MDGA2: variants seen among roughly 807,000 people sequenced by gnomAD.
MDGA2 encodes MAM domain-containing glycosylphosphatidylinositol anchor protein 2.
MDGA2 carries 40 observed loss-of-function variants against 117.8 expected under a neutral mutation model. That is an observed-to-expected ratio of 0.34 (90% CI 0.26 to 0.44). MDGA2 has a LOEUF of 0.44. Among genes scored for constraint, MDGA2 ranks in the 20% least tolerant of loss-of-function variants. MDGA2 has a pLI of 1.00. For missense variants in MDGA2, 1,123 were observed against 1,250.6 expected, an observed-to-expected ratio of 0.90 and a Z score of 1.54; for synonymous variants, 452 against 439.0, an observed-to-expected ratio of 1.03 and a Z score of -0.37.
At chr14:47,492,220 A>G (rs1460437476) in intron 1 of MDGA2, among the ~76,000 whole-genome samples, 5 of 152,126 alleles carry the variant, frequency 3.3e-5, no homozygotes, top group Admixed American at 1.3e-4. Context: ...GTTGATTTCG[A>G]TGCAGAATGA....
chr14:46,868,272 A>G (rs1429445131), intron 14 of MDGA2, among the ~76,000 whole-genome samples: 5 of 151,822 alleles, frequency 3.3e-5, no homozygotes, highest in African/African-American at 9.7e-5. Context: ...AAGGTTATGC[A>G]TGACTTAGAT....
At chr14:47,341,742 G>A (rs776951848) in intron 1 of MDGA2, among the ~76,000 whole-genome samples, 2 of 152,090 alleles carry the variant, frequency 1.3e-5, no homozygotes, top group Non-Finnish European at 2.9e-5. Context: ...GTGTTATTTT[G>A]GCGGCAGCTA....
chr14:47,357,341 C>T (rs1203387805), intron 1 of MDGA2, among the ~76,000 whole-genome samples: 1 of 152,216 alleles, frequency 6.6e-6, no homozygotes, highest in Non-Finnish European at 1.5e-5. Context: ...AAAAAAATTT[C>T]ACCCTATCAT....
intron 7 of MDGA2, among the ~76,000 whole-genome samples, chr14:47,042,017 C>T (rs1448475447): frequency 6.6e-6 from 1 of 152,000 alleles, no homozygotes. Flanking sequence ...TTCCAAAAGA[C>T]AATCAGACTC....
chr14:47,168,505 C>T (rs868624180), intron 3 of MDGA2, among the ~76,000 whole-genome samples: 2 of 151,792 alleles, frequency 1.3e-5, no homozygotes, highest in Admixed American at 1.3e-4. Flanking sequence ...TTTTCTTTTG[C>T]TCGAGTTCTT....
At chr14:47,455,284 T>A (rs1046840983) in intron 1 of MDGA2, among the ~76,000 whole-genome samples, 1 of 151,992 alleles carries the variant, frequency 6.6e-6, no homozygotes, top group Non-Finnish European at 1.5e-5. Context: ...GGTGGGCGGA[T>A]CGCCTGAGGT....
intron 4 of MDGA2, among the ~76,000 whole-genome samples, chr14:47,137,610 C>T (rs549647768): frequency 1.3e-5 from 2 of 152,260 alleles, no homozygotes; most frequent in Non-Finnish European, 2.9e-5. Flanking sequence ...CCTCACCAGA[C>T]GCAGATGCCA....
At chr14:47,457,419 T>C (rs1018236091) in intron 1 of MDGA2, among the ~76,000 whole-genome samples, 1 of 152,132 alleles carries the variant, frequency 6.6e-6, no homozygotes, top group Non-Finnish European at 1.5e-5. Context: ...CCTTCGTAAA[T>C]TAAAATACAA....
intron 2 of MDGA2, among the ~76,000 whole-genome samples, chr14:47,284,119 A>T (rs1246165522): frequency 6.6e-6 from 1 of 152,210 alleles, no homozygotes; most frequent in Non-Finnish European, 1.5e-5. Context: ...GTAAAATAAA[A>T]GTTTCATCAA....
At chr14:47,266,370 C>G (rs1470099838) in intron 2 of MDGA2, among the ~76,000 whole-genome samples, 1 of 152,132 alleles carries the variant, frequency 6.6e-6, no homozygotes, top group African/African-American at 2.4e-5. Flanking sequence ...AAATAAGTCT[C>G]AGACACGTTC....
chr14:47,644,670 T>C (rs528106492), intron 1 of MDGA2, among the ~76,000 whole-genome samples: 2 of 152,004 alleles, frequency 1.3e-5, no homozygotes, highest in African/African-American at 4.8e-5. Context: ...GTTAACAATA[T>C]TGTACTGTAA....
At chr14:47,007,846 C>A (rs1566571609) in intron 8 of MDGA2, among the ~76,000 whole-genome samples, 1 of 151,602 alleles carries the variant, frequency 6.6e-6, no homozygotes, top group Non-Finnish European at 1.5e-5. Context: ...GAGTTGTTTC[C>A]TTTGCTAGAA....
At chr14:47,538,735 T>C (rs1037939585) in intron 1 of MDGA2, among the ~76,000 whole-genome samples, 7 of 152,148 alleles carry the variant, frequency 4.6e-5, no homozygotes, top group African/African-American at 1.7e-4. Context: ...CTCTAAGATA[T>C]TTGAAAGGTA....
At chr14:47,422,093 A>G (rs1566448443) in intron 1 of MDGA2, among the ~76,000 whole-genome samples, 1 of 152,188 alleles carries the variant, frequency 6.6e-6, no homozygotes, top group African/African-American at 2.4e-5. Flanking sequence ...TTGTTTCATA[A>G]ATTTCCAGGC....
intron 9 of MDGA2, among the ~76,000 whole-genome samples, chr14:46,949,580 G>A (rs1001581716): frequency 6.6e-6 from 1 of 151,402 alleles, no homozygotes; most frequent in Non-Finnish European, 1.5e-5. Context: ...CATTGTTTAG[G>A]TCCCATTTAT....
At chr14:46,928,591 A>G (rs1408308235) in intron 9 of MDGA2, among the ~76,000 whole-genome samples, 1 of 152,100 alleles carries the variant, frequency 6.6e-6, no homozygotes, top group African/African-American at 2.4e-5. Flanking sequence ...CACTTCTCCT[A>G]TCCACTTTCT....
chr14:47,227,403 C>T (rs1020699620), intron 2 of MDGA2, among the ~76,000 whole-genome samples: 5 of 152,146 alleles, frequency 3.3e-5, no homozygotes, highest in African/African-American at 1.2e-4. Flanking sequence ...TGACGCTAAC[C>T]TCGTGAAACC....
At position 47,589,983 on chromosome 14, in the gene MDGA2, A is replaced by G. The variant is rs535871708; in HGVS notation, c.280+84534T>C. 7.2e-5 allele frequency among the ~76,000 whole-genome samples: 11 copies of G among 152,062 alleles called. No individual in the cohort carries two copies. The South Asian group carries it at 2.1e-3, about 29-fold the overall frequency. ...TTGGATTGTTCATTTGCCAGTGTAT[A>G]AAAACATGAGTGATTTTTGTGTATT... On this transcript the variant is annotated intron_variant, in intron 1 of 16. Coordinates refer to ENST00000399232, the MANE Select transcript of MDGA2 (RefSeq NM_001113498.3).
chr14:47,019,574 T>C (rs1888210656), intron 8 of MDGA2, among the ~76,000 whole-genome samples: 1 of 152,074 alleles, frequency 6.6e-6, no homozygotes, highest in Admixed American at 6.5e-5. Flanking sequence ...CCGGGCGCGG[T>C]AGCTCACGCC....
Sources: gnomAD v4.1 joint callset for allele counts (sites outside exome capture counted in the v4.1 genomes callset) on GRCh38, gnomAD v4.1.1 for gene constraint, MANE v1.5 for transcripts, NCBI Gene and HGNC (gene_info 2026-07-23, HGNC 2026-07-21) for gene names.